The following GORAB variants were observed in gnomAD, a reference collection of about 807,000 sequenced individuals.
The protein encoded by GORAB is RAB6-interacting golgin.
A neutral mutation model predicts 29.9 loss-of-function variants in GORAB; 17 were observed. The ratio of observed to expected loss-of-function variants is 0.57; its 90% CI spans 0.39 to 0.85. The LOEUF is 0.85. Among genes scored for constraint, GORAB ranks in the 40% least tolerant of loss-of-function variants. The probability of loss-of-function intolerance (pLI) is 0.00; values close to 1 mark genes in which losing one functional copy is unlikely to be tolerated. For synonymous variants in GORAB, 183 were observed against 157.2 expected, an observed-to-expected ratio of 1.16 and a Z score of -1.23; for missense variants, 442 against 437.8, an observed-to-expected ratio of 1.01 and a Z score of -0.09.
Position 170,544,783 on chromosome 1 carries a change from A to G in GORAB, c.600A>G (p.Ser200=). The change falls in exon 4 of 5, where the codon TCA becomes TCG. Residue 200 remains serine (S), a synonymous_variant. Coordinates refer to ENST00000367763, the MANE Select transcript of GORAB (RefSeq NM_152281.3). ...TGCAGGCTTTAGATGACATGGTGTC[A>G]GCTGACATTGGAATTCTCAGGAACC... The part of the protein sequence containing the change: ...KELQALDDMV[S]ADIGILRNRI... The G allele has an allele frequency of 6.2e-7, 1 of 1,614,142 alleles. No individual in the cohort carries two copies. The highest frequency in any genetic ancestry group is 8.5e-7 in the Non-Finnish European group (1 of 1,179,968).
At chr1:170,532,369 T>G (rs1571233275) in intron 1 of GORAB, 85 bp downstream of exon 1, 1 of 1,432,624 alleles carries the variant, frequency 7.0e-7, no homozygotes, top group Non-Finnish European at 9.8e-7. Context: ...AAAGGGGGCG[T>G]GGAAGCGGCT....
At position 170,545,159 on chromosome 1, in the gene GORAB, A is replaced by G. The variant is rs1178265999; in HGVS notation, c.662+314A>G. The G allele has an allele frequency of 1.2e-5, 12 of 1,042,622 alleles. 1 individual carries two copies. The Admixed American group carries it at 3.0e-4, about 26-fold the overall frequency. The allele number at this position is 1,042,622 out of a possible 1,614,324, so 64.6% of individuals were successfully genotyped here. ...TGTTTTTGCTCATCTTTCAGCATCTAGCAAAGTAAATATCTGAGTGGTTTC... is the reference window on the plus strand; with the variant it reads ...TGTTTTTGCTCATCTTTCAGCATCTGGCAAAGTAAATATCTGAGTGGTTTC... On this transcript the variant is annotated intron_variant, in intron 4 of 4. Transcript: ENST00000367763.
Position 170,532,218 on chromosome 1 carries a change from G to A in GORAB, c.-6G>A, listed in dbSNP as rs143284981. ...GCACTTTTGGGGGTGCCGGTGGCCC[G>A]GGCCGATGGCGCAAGGTTGGGCAGG... On this transcript the variant is annotated 5_prime_UTR_variant, in exon 1 of 5. Coordinates refer to ENST00000367763, the MANE Select transcript of GORAB (RefSeq NM_152281.3). The A allele has an allele frequency of 9.3e-6, 15 of 1,613,942 alleles. No homozygotes were observed. The highest frequency in any genetic ancestry group is 1.3e-5 in the African/African-American group (1 of 74,916).
rs1249841363 is a variant in GORAB at position 170,553,347 on chromosome 1, T to C, written c.*885T>C. 3 of 452,654 alleles carry C rather than the reference T, an allele frequency of 6.6e-6. No homozygotes were observed. The highest frequency in any genetic ancestry group is 6.0e-5 in the African/African-American group (3 of 49,982). The allele number at this position is 452,654 out of a possible 1,614,324, so 28.0% of individuals were successfully genotyped here. ...TGAAGCGTTTAAATTGTTAAAATGC[T>C]GATTTTCTTATTAGTTTGTTAATTG... On this transcript the variant is annotated 3_prime_UTR_variant, in exon 5 of 5. Transcript: ENST00000367763.
At chr1:170,545,629 G>A (rs1649711111) in intron 4 of GORAB, 1 of 985,366 alleles carries the variant, frequency 1.0e-6, no homozygotes, top group African/African-American at 1.7e-5. Flanking sequence ...GGAATGCTGT[G>A]TTAATGACTC....
At chr1:170,535,257 T>G (rs1648986129) in intron 1 of GORAB, among the ~76,000 whole-genome samples, 1 of 152,226 alleles carries the variant, frequency 6.6e-6, no homozygotes, top group Non-Finnish European at 1.5e-5. Context: ...TAAAGAGTAG[T>G]TACTTCTACT....
chr1:170,541,760 A>AT lies in GORAB; in HGVS notation c.420-724dup, dbSNP rs1382963845. 2.0e-5 allele frequency among the ~76,000 whole-genome samples: 3 copies of AT among 152,120 alleles called. No homozygotes were observed. The East Asian group carries it at 5.8e-4, about 29-fold the overall frequency. ...ACAATACATGTTTTCACATCTTTGA[A>AT]TTTTTTTCTTTAGCCCAGCATTCCA... On this transcript the variant is annotated intron_variant, in intron 2 of 4. Coordinates refer to ENST00000367763, the MANE Select transcript of GORAB (RefSeq NM_152281.3).
intron 1 of GORAB, chr1:170,532,748 T>C: frequency 5.2e-6 from 1 of 190,852 alleles, no homozygotes; most frequent in East Asian, 1.2e-4. Context: ...AAAAATTCGG[T>C]ACTTTTCACA....
rs779097386 is a variant in GORAB at position 170,552,086 on chromosome 1, A to C, written c.734A>C (p.Lys245Thr). ...GATATACAGCGCAAGACTGAGATAA[A>C]AGAGCAACTCACTGAACACCTTTGT... ...KLDIQRKTEIKEQLTEHLCTI... is the reference protein window; with the variant it reads ...KLDIQRKTEITEQLTEHLCTI... Residue 245 changes from lysine to threonine, a missense_variant, in exon 5 of 5, where the codon AAA (lysine) becomes ACA (threonine). Physicochemically the swap from Lys to Thr is moderately conservative, Grantham distance 78. Transcript: ENST00000367763. 6.2e-7 allele frequency: 1 copy of C among 1,614,082 alleles called. No homozygotes were observed. Among genetic ancestry groups the C allele is most frequent in the Non-Finnish European group, 8.5e-7 (1 of 1,179,964 alleles).
intron 4 of GORAB, among the ~76,000 whole-genome samples, chr1:170,549,601 T>C (rs1243931507): frequency 1.3e-5 from 2 of 152,264 alleles, no homozygotes; most frequent in Non-Finnish European, 2.9e-5. Context: ...CATACACCTA[T>C]AGAGAATGTC....
In GORAB at chr1:170,552,093, A is replaced by G. The variant is rs374040857; in HGVS notation, c.741A>G (p.Gln247=). ...AGCGCAAGACTGAGATAAAAGAGCA[A>G]CTCACTGAACACCTTTGTACGATCA... ...DIQRKTEIKE[Q]LTEHLCTIIQ... The change falls in exon 5 of 5, where the codon CAA becomes CAG. Residue 247 remains glutamine, a synonymous_variant. Transcript: ENST00000367763. The G allele has an allele frequency of 6.8e-6, 11 of 1,613,956 alleles. No individual in the cohort carries two copies. The highest frequency in any genetic ancestry group is 9.3e-6 in the Non-Finnish European group (11 of 1,179,986).
At position 170,544,710 on chromosome 1, in the gene GORAB, A is replaced by G. The variant is rs1401126492; in HGVS notation, c.527A>G (p.Lys176Arg). 1.9e-6 allele frequency: 3 copies of G among 1,613,866 alleles called. No homozygotes were observed. The highest frequency in any genetic ancestry group is 1.1e-5 in the South Asian group (1 of 91,084). The change falls in exon 4 of 5, where the codon AAA becomes AGA. Residue 176 changes from lysine to arginine, a missense_variant. Physicochemically the swap from Lys to Arg is conservative, Grantham distance 26. Coordinates refer to ENST00000367763, the MANE Select transcript of GORAB (RefSeq NM_152281.3). ...LLAKAIAERS[K>R]RTQAETMKLK... ...TCACATACCTGATTTTCTAGATCCA[A>G]AAGAACTCAGGCAGAGACCATGAAA... is the stretch of plus-strand genomic sequence containing the variant.
chr1:170,532,423 T>G, intron 1 of GORAB, 139 bp downstream of exon 1: 1 of 922,390 alleles, frequency 1.1e-6, no homozygotes, highest in Non-Finnish European at 1.7e-6. Flanking sequence ...TGGACTGGAT[T>G]AGGGGGTTTC....
chr1:170,539,138 T>C, intron 1 of GORAB, 72 bp from the exon 2 acceptor site: 2 of 1,570,650 alleles, frequency 1.3e-6, no homozygotes, highest in Non-Finnish European at 1.7e-6. Flanking sequence ...TGTTAATTTT[T>C]TATTTTCTTA....
Position 170,544,820 on chromosome 1 carries a change from G to C in GORAB, c.637G>C (p.Ala213Pro). 3.7e-6 allele frequency: 6 copies of C among 1,613,970 alleles called. No individual in the cohort carries two copies. Among genetic ancestry groups the C allele is most frequent in the Non-Finnish European group, 5.1e-6 (6 of 1,179,878 alleles). The change falls in exon 4 of 5, where the codon GCC becomes CCC. Residue 213 changes from alanine (A) to proline (P), a missense_variant. By Grantham distance (27) the Ala-to-Pro change is conservative. Coordinates refer to ENST00000367763, the MANE Select transcript of GORAB (RefSeq NM_152281.3). ...AATTCTCAGGAACCGGATTGATCAG[G>C]CCAGCTTAGACTATTCATACGCTCG... ...IGILRNRIDQ[A>P]SLDYSYARKR...
intron 4 of GORAB, among the ~76,000 whole-genome samples, chr1:170,550,768 A>C (rs2101833120): frequency 6.6e-6 from 1 of 152,378 alleles, no homozygotes; most frequent in African/African-American, 2.4e-5. Flanking sequence ...CAGGTAAAGC[A>C]GCATGGCCTT....
At chr1:170,533,363 G>T (rs1473729671) in intron 1 of GORAB, 2 of 264,252 alleles carry the variant, frequency 7.6e-6, no homozygotes, top group East Asian at 1.5e-4. Context: ...TATCATAAAG[G>T]TTAGGCTAAG....
intron 4 of GORAB, among the ~76,000 whole-genome samples, chr1:170,549,356 A>G (rs867188867): frequency 1.2e-4 from 18 of 152,238 alleles, no homozygotes; most frequent in Non-Finnish European, 2.2e-4. Flanking sequence ...GGGAGAATAT[A>G]TATTCGTATT....
chr1:170,545,664 C>G (rs991169199), intron 4 of GORAB: 7 of 983,538 alleles, frequency 7.1e-6, no homozygotes, highest in Non-Finnish European at 8.5e-6. Context: ...CTCTGTTACA[C>G]TAGAAATGAA....
Sources: allele counts gnomAD v4.1 joint callset (sites outside exome capture counted in the v4.1 genomes callset), GRCh38; gene constraint gnomAD v4.1.1; transcripts MANE v1.5; gene names NCBI Gene and HGNC (gene_info 2026-07-23, HGNC 2026-07-21).